The following DMD variants were observed in gnomAD, a reference collection of about 807,000 sequenced individuals.
DMD encodes dystrophin.
In DMD, 63 loss-of-function variants were observed where a neutral mutation model predicts 330.1. That is an observed-to-expected ratio of 0.19 (90% CI 0.16 to 0.24). DMD has a LOEUF of 0.24. DMD is among the 10% of genes least tolerant of loss of function. The probability of loss-of-function intolerance (pLI) is 1.00; values close to 1 mark genes in which losing one functional copy is unlikely to be tolerated. For synonymous variants in DMD, 1,223 were observed against 959.8 expected, an observed-to-expected ratio of 1.27 and a Z score of -5.07; for missense variants, 3,344 against 2,684.1, an observed-to-expected ratio of 1.25 and a Z score of -5.43.
chrX:31,370,733 A>T (rs1446611395), intron 60 of DMD, among the ~76,000 whole-genome samples: 1 of 112,446 alleles, frequency 8.9e-6, no homozygotes, highest in African/African-American at 3.2e-5. Context: ...CCTGTACATT[A>T]ATGTTGGTAG....
chrX:32,091,512 AT>A (rs1429027055), intron 44 of DMD, among the ~76,000 whole-genome samples: 67 of 105,078 alleles, frequency 6.4e-4, no homozygotes, highest in South Asian at 2.5e-3. Flanking sequence ...TGCTACAGCT[AT>A]TTTTTTTTTT....
At chrX:32,480,176 A>T (rs1004681377) in intron 21 of DMD, among the ~76,000 whole-genome samples, 4 of 111,947 alleles carry the variant, frequency 3.6e-5, no homozygotes, top group African/African-American at 1.3e-4. Flanking sequence ...ACATCTCTAA[A>T]CATCAGAAAA....
chrX:31,472,532 C>T (rs149321703), intron 59 of DMD, among the ~76,000 whole-genome samples: 1,617 of 112,210 alleles, frequency 0.014, 33 homozygotes, highest in African/African-American at 0.05. Flanking sequence ...TCACATTTCA[C>T]ATTATCTATT....
intron 54 of DMD, among the ~76,000 whole-genome samples, chrX:31,646,939 ACT>A (rs1160046241): frequency 2.7e-5 from 3 of 110,751 alleles, no homozygotes; most frequent in Non-Finnish European, 5.7e-5. Context: ...TATGCACACA[ACT>A]CTCTATCTTA....
At chrX:32,502,544 TA>T (rs2044159890) in intron 18 of DMD, among the ~76,000 whole-genome samples, 1 of 112,016 alleles carries the variant, frequency 8.9e-6, no homozygotes, top group African/African-American at 3.2e-5. Context: ...TATGGAGACA[TA>T]AATTTTAAAC....
At chrX:31,642,103 T>C (rs940513032) in intron 54 of DMD, among the ~76,000 whole-genome samples, 3 of 111,546 alleles carry the variant, frequency 2.7e-5, no homozygotes, top group African/African-American at 9.8e-5. Flanking sequence ...AATAAAAATA[T>C]CCTCACGAAA....
At chrX:33,235,334 C>T (rs1194728138) in intron 1 of DMD, among the ~76,000 whole-genome samples, 1 of 111,697 alleles carries the variant, frequency 9.0e-6, no homozygotes, top group Non-Finnish European at 1.9e-5. Context: ...AAATTCCACC[C>T]CATAATAGGA....
chrX:32,982,346 A>G (rs2092727318), intron 2 of DMD, among the ~76,000 whole-genome samples: 1 of 111,774 alleles, frequency 8.9e-6, no homozygotes, highest in African/African-American at 3.3e-5. Flanking sequence ...TAGGAATTCA[A>G]CTAGTTCTGT....
intron 2 of DMD, among the ~76,000 whole-genome samples, chrX:32,856,358 C>T (rs778640441): frequency 1.8e-3 from 205 of 112,082 alleles, no homozygotes; most frequent in Non-Finnish European, 2.4e-3. Context: ...TATCTGCACC[C>T]TCATGTTTAT....
chrX:32,627,810 A>G (rs1002497625), intron 11 of DMD, among the ~76,000 whole-genome samples: 1 of 111,797 alleles, frequency 8.9e-6, no homozygotes, highest in African/African-American at 3.3e-5. Context: ...ATTTTCACCA[A>G]AACGAAAATT....
At chrX:31,921,048 T>G (rs1055955559) in intron 47 of DMD, among the ~76,000 whole-genome samples, 1 of 111,851 alleles carries the variant, frequency 8.9e-6, no homozygotes, top group Non-Finnish European at 1.9e-5. Context: ...CAGTGTAACC[T>G]TCTACAAATG....
At chrX:32,319,069 G>T (rs190380759) in intron 41 of DMD, among the ~76,000 whole-genome samples, 1 of 111,731 alleles carries the variant, frequency 9.0e-6, no homozygotes, top group African/African-American at 3.2e-5. Flanking sequence ...ATGGCTTATA[G>T]TGGTTTAAAG....
At chrX:31,216,113 C>A (rs2045378655) in intron 64 of DMD, among the ~76,000 whole-genome samples, 1 of 112,151 alleles carries the variant, frequency 8.9e-6, no homozygotes, top group Non-Finnish European at 1.9e-5. Context: ...CTAGAGATAC[C>A]TGGCCAGGTA....
rs180692371 is a variant in DMD, at chrX:33,170,058, T to C, written c.31+41224A>G. 2.8e-3 allele frequency among the ~76,000 whole-genome samples: 308 copies of C among 111,394 alleles called. 2 individuals are homozygous for C. The highest frequency in any genetic ancestry group is 5.6e-3 in the Admixed American group (58 of 10,440). ...ATACTTTTAGGTAATACTCAACTCATTGGTAGACCCATGAGGTTCCGCTCT... is the reference window on the plus strand; with the variant it reads ...ATACTTTTAGGTAATACTCAACTCACTGGTAGACCCATGAGGTTCCGCTCT... On this transcript the variant is annotated intron_variant, in intron 1 of 78. Coordinates refer to ENST00000357033, the MANE Select transcript of DMD (RefSeq NM_004006.3).
intron 7 of DMD, among the ~76,000 whole-genome samples, chrX:32,780,353 T>A (rs2148532636): frequency 8.9e-6 from 1 of 112,227 alleles, no homozygotes; most frequent in South Asian, 3.6e-4. Flanking sequence ...TTAGATAAAG[T>A]TTGAAATTTT....
At position 32,712,704 on chromosome X, in the gene DMD, G is replaced by A. The variant is rs190629224; in HGVS notation, c.650-13411C>T. The stretch of plus-strand genomic sequence containing the variant: ...CATTGTAGGAGTGTTATCATACTGA[G>A]GTTATTGATTTTTTATTACTAGTGT... On this transcript the variant is annotated intron_variant, in intron 7 of 78. Coordinates refer to ENST00000357033, the MANE Select transcript of DMD (RefSeq NM_004006.3). Among the ~76,000 whole-genome samples, 27 of 110,991 alleles carry A rather than the reference G, an allele frequency of 2.4e-4. No homozygotes were observed. The East Asian group carries it at 7.1e-3, about 29-fold the overall frequency.
chrX:32,884,996 TAA>T (rs1361834538), intron 2 of DMD, among the ~76,000 whole-genome samples: 1 of 112,098 alleles, frequency 8.9e-6, no homozygotes, highest in East Asian at 2.8e-4. Flanking sequence ...CTGTGTCTTA[TAA>T]AGTCATATAA....
intron 44 of DMD, among the ~76,000 whole-genome samples, chrX:32,196,787 C>A (rs756241053): frequency 9.1e-6 from 1 of 109,547 alleles, no homozygotes; most frequent in African/African-American, 3.3e-5. Context: ...AGATCGAGAC[C>A]ATCCTGGCTA....
At chrX:32,508,740 G>C (rs937911439) in intron 18 of DMD, among the ~76,000 whole-genome samples, 1 of 111,704 alleles carries the variant, frequency 9.0e-6, no homozygotes, top group African/African-American at 3.3e-5. Flanking sequence ...GACTATACCC[G>C]ACAAACTGAA....
Sources: gnomAD v4.1 joint callset for allele counts (sites outside exome capture counted in the v4.1 genomes callset) on GRCh38, gnomAD v4.1.1 for gene constraint, MANE v1.5 for transcripts, NCBI Gene and HGNC (gene_info 2026-07-23, HGNC 2026-07-21) for gene names.